Variants in GSE1 observed in about 807,000 individuals in gnomAD.
GSE1 encodes Gse1 coiled-coil protein.
A neutral mutation model predicts 112.6 loss-of-function variants in GSE1; 32 were observed. The ratio of observed to expected loss-of-function variants is 0.28; its 90% CI spans 0.21 to 0.38. The LOEUF (loss-of-function observed/expected upper bound fraction) is 0.38. Among genes scored for constraint, GSE1 ranks in the 10% least tolerant of loss-of-function variants. The pLI, the probability that GSE1 is intolerant of heterozygous loss-of-function variation, is 1.00. For synonymous variants in GSE1, 1,115 were observed against 735.6 expected, an observed-to-expected ratio of 1.52 and a Z score of -8.35; for missense variants, 2,348 against 1,699.2, an observed-to-expected ratio of 1.38 and a Z score of -6.71.
chr16:85,637,606 A>G (rs2050110839), intron 2 of GSE1, among the ~76,000 whole-genome samples: 1 of 152,064 alleles, frequency 6.6e-6, no homozygotes, highest in South Asian at 2.1e-4. Context: ...TGCTTCTCAC[A>G]CACCCTTCGC....
At chr16:85,395,021 T>C (rs4783193) in intron 2 of GSE1, among the ~76,000 whole-genome samples, 148,430 of 152,176 alleles carry the variant, frequency 0.98, 72,509 homozygotes, top group East Asian at 1. Context: ...ATTAGGCCTG[T>C]AGAGGGAAGC....
chr16:85,352,607 T>C (rs2046872755), intron 1 of GSE1, among the ~76,000 whole-genome samples: 1 of 152,204 alleles, frequency 6.6e-6, no homozygotes. Context: ...GCCTGCTTTT[T>C]CAGGGACTGT....
chr16:85,220,133 G>A (rs562052655), intron 1 of GSE1, among the ~76,000 whole-genome samples: 1 of 152,230 alleles, frequency 6.6e-6, no homozygotes, highest in Non-Finnish European at 1.5e-5. Flanking sequence ...CTTTCTCAAG[G>A]AGCACGGGGA....
At chr16:85,215,417 G>A (rs1169943813) in intron 1 of GSE1, among the ~76,000 whole-genome samples, 1 of 152,116 alleles carries the variant, frequency 6.6e-6, no homozygotes, top group Non-Finnish European at 1.5e-5. Flanking sequence ...AAGGGTTGTG[G>A]GGGGGCCAGG....
intron 1 of GSE1, among the ~76,000 whole-genome samples, chr16:85,633,264 G>A (rs1266514056): frequency 1.3e-5 from 2 of 152,208 alleles, no homozygotes; most frequent in Non-Finnish European, 2.9e-5. Context: ...CCCATCTCTG[G>A]GACCCCTCTC....
At position 85,188,975 on chromosome 16, in the gene GSE1, C is replaced by T. The variant is rs80015545; in HGVS notation, c.2283+17168C>T. Among the ~76,000 whole-genome samples the T allele has an allele frequency of 2.2e-4, 33 of 152,268 alleles. No homozygotes were observed. In the East Asian group the frequency reaches 6.2e-3, roughly 29 times the overall value. On this transcript the variant is annotated intron_variant, in intron 1 of 2. Transcript: ENST00000637419. ...GGATCAGTGGCTTTTATCAGACTTGCTGTGGGGGACATGTGACTCCCAGAA... is the reference window on the plus strand; with the variant it reads ...GGATCAGTGGCTTTTATCAGACTTGTTGTGGGGGACATGTGACTCCCAGAA...
At chr16:85,444,695 A>G (rs1300222705) in intron 2 of GSE1, among the ~76,000 whole-genome samples, 1 of 151,628 alleles carries the variant, frequency 6.6e-6, no homozygotes, top group Non-Finnish European at 1.5e-5. Flanking sequence ...CACACACGCT[A>G]TAGCCGGGCT....
At chr16:85,616,821 C>T (rs1021712063) in intron 1 of GSE1, among the ~76,000 whole-genome samples, 2 of 152,094 alleles carry the variant, frequency 1.3e-5, no homozygotes, top group Non-Finnish European at 2.9e-5. Flanking sequence ...GGTGACGTTT[C>T]GGAGTGTCGC....
chr16:85,424,961 G>A (rs1412149542), intron 2 of GSE1, among the ~76,000 whole-genome samples: 1 of 152,278 alleles, frequency 6.6e-6, no homozygotes, highest in African/African-American at 2.4e-5. Context: ...GTTGCAGGCA[G>A]AGCTCTGCCT....
intron 2 of GSE1, among the ~76,000 whole-genome samples, chr16:85,502,493 G>A (rs1319833787): frequency 3.3e-5 from 5 of 152,200 alleles, no homozygotes; most frequent in Admixed American, 3.3e-4. Context: ...CGCTATTACC[G>A]GTGAGTGAGA....
At chr16:85,239,225 C>G (rs1338935601) in intron 1 of GSE1, among the ~76,000 whole-genome samples, 3 of 152,216 alleles carry the variant, frequency 2.0e-5, no homozygotes, top group African/African-American at 4.8e-5. Flanking sequence ...AGTCACCACG[C>G]CAGGCCTGGC....
chr16:85,243,324 A>G (rs1174919245), intron 1 of GSE1, among the ~76,000 whole-genome samples: 2 of 152,242 alleles, frequency 1.3e-5, no homozygotes, highest in Non-Finnish European at 2.9e-5. Flanking sequence ...TGGGGGCTAC[A>G]GGGGAGAATC....
At chr16:85,193,586 A>T (rs2074869695) in intron 1 of GSE1, among the ~76,000 whole-genome samples, 1 of 151,966 alleles carries the variant, frequency 6.6e-6, no homozygotes. Flanking sequence ...CAGCCTCCCG[A>T]GTAGCTGGGA....
chr16:85,564,114 CAG>C (rs1257422732), intron 1 of GSE1, among the ~76,000 whole-genome samples: 6 of 152,184 alleles, frequency 3.9e-5, no homozygotes, highest in East Asian at 1.9e-4. Context: ...AGGGAGCAAA[CAG>C]AGAGCTGAGC....
intron 1 of GSE1, among the ~76,000 whole-genome samples, chr16:85,628,909 C>G (rs935262205): frequency 6.6e-6 from 1 of 152,172 alleles, no homozygotes; most frequent in African/African-American, 2.4e-5. Context: ...CCCTCCGAAT[C>G]TCATGTGGAA....
At chr16:85,635,567 T>G (rs764254106) in intron 2 of GSE1, among the ~76,000 whole-genome samples, 3 of 152,006 alleles carry the variant, frequency 2.0e-5, no homozygotes, top group Non-Finnish European at 4.4e-5. Flanking sequence ...GAGCTTGGAG[T>G]CGAGACTCGG....
At chr16:85,434,158 T>G (rs1338150004) in intron 2 of GSE1, among the ~76,000 whole-genome samples, 2 of 152,030 alleles carry the variant, frequency 1.3e-5, no homozygotes, top group African/African-American at 4.8e-5. Context: ...GGAGGAGACT[T>G]GCCATGGTCC....
chr16:85,641,914 C>A (rs555110875), intron 2 of GSE1, among the ~76,000 whole-genome samples: 1 of 152,342 alleles, frequency 6.6e-6, no homozygotes, highest in African/African-American at 2.4e-5. Context: ...CGCCACAAGT[C>A]CGCCCAGGGC....
At chr16:85,671,572 C>T (rs546585737) in intron 15 of GSE1, among the ~76,000 whole-genome samples, 2 of 152,140 alleles carry the variant, frequency 1.3e-5, no homozygotes, top group East Asian at 3.8e-4. Context: ...TCTGACCACA[C>T]CAGTGCACTC....
Sources: gnomAD v4.1 joint callset for allele counts (sites outside exome capture counted in the v4.1 genomes callset) on GRCh38, gnomAD v4.1.1 for gene constraint, MANE v1.5 for transcripts, NCBI Gene and HGNC (gene_info 2026-07-23, HGNC 2026-07-21) for gene names.